Variants in ADK observed in about 807,000 individuals in gnomAD.
The protein encoded by ADK is adenosine kinase.
ADK carries 24 observed loss-of-function variants against 44.7 expected under a neutral mutation model. That is an observed-to-expected ratio of 0.54 (90% confidence interval 0.39 to 0.76). ADK has a LOEUF of 0.76. ADK is among the 30% of genes least tolerant of loss of function. The probability of loss-of-function intolerance (pLI) is 0.00; values close to 1 mark genes in which losing one functional copy is unlikely to be tolerated. For synonymous variants in ADK, 128 were observed against 142.6 expected (o/e 0.90, Z 0.73); for missense variants, 321 against 425.1 (o/e 0.76, Z 2.15).
intron 7 of ADK, among the ~76,000 whole-genome samples, chr10:74,578,374 G>T (rs954923699): frequency 2.6e-5 from 4 of 152,028 alleles, no homozygotes; most frequent in African/African-American, 9.7e-5. Flanking sequence ...AATGAAGGAA[G>T]TCCTGTCAAA....
chr10:74,372,643 A>T (rs906358394), intron 4 of ADK, among the ~76,000 whole-genome samples: 1 of 152,210 alleles, frequency 6.6e-6, no homozygotes, highest in Non-Finnish European at 1.5e-5. Flanking sequence ...AAGTATAAAT[A>T]TAACAACAGA....
intron 7 of ADK, among the ~76,000 whole-genome samples, chr10:74,581,021 T>TACAC (rs143153735): frequency 0.061 from 8,873 of 145,280 alleles, 275 homozygotes; most frequent in Non-Finnish European, 0.075. Flanking sequence ...CAATAATAAA[T>TACAC]ACACACACAC....
chr10:74,353,193 T>C (rs1167584055), intron 4 of ADK, among the ~76,000 whole-genome samples: 1 of 151,848 alleles, frequency 6.6e-6, no homozygotes, highest in African/African-American at 2.4e-5. Context: ...ATAGAGAAAA[T>C]GTTGCACAGA....
intron 6 of ADK, among the ~76,000 whole-genome samples, chr10:74,468,746 T>C (rs539178034): frequency 2.0e-5 from 3 of 152,172 alleles, no homozygotes; most frequent in Non-Finnish European, 2.9e-5. Context: ...CACACAAAGA[T>C]AGAATAAAAA....
At chr10:74,621,522 C>G (rs1463577143) in intron 9 of ADK, among the ~76,000 whole-genome samples, 2 of 151,994 alleles carry the variant, frequency 1.3e-5, no homozygotes, top group African/African-American at 4.8e-5. Flanking sequence ...CAGCTTTGTT[C>G]TTCTTGCTCA....
chr10:74,523,933 T>A (rs919298776), intron 6 of ADK, among the ~76,000 whole-genome samples: 1 of 152,170 alleles, frequency 6.6e-6, no homozygotes, highest in African/African-American at 2.4e-5. Flanking sequence ...TGTTATTCCT[T>A]CCTTTCACGG....
chr10:74,340,438 GATA>G (rs1841546460), intron 4 of ADK, among the ~76,000 whole-genome samples: 1 of 152,102 alleles, frequency 6.6e-6, no homozygotes, highest in Non-Finnish European at 1.5e-5. Flanking sequence ...GGTTTCAGGT[GATA>G]TATCTTGCTT....
At chr10:74,356,014 T>TTTTTTTTTTTTTTTTTTTTTG (rs1554847186) in intron 4 of ADK, among the ~76,000 whole-genome samples, 12 of 128,210 alleles carry the variant, frequency 9.4e-5, no homozygotes, top group Non-Finnish European at 1.5e-4. Context: ...TTTTTTTTTT[T>TTTTTTTTTTTTTTTTTTTTTG]TTTTTTTTTT....
chr10:74,644,861 C>G (rs774155715), intron 9 of ADK, among the ~76,000 whole-genome samples: 4 of 152,138 alleles, frequency 2.6e-5, no homozygotes, highest in Admixed American at 6.5e-5. Flanking sequence ...TTTTGCTGCC[C>G]TTCTGTAAAA....
intron 7 of ADK, among the ~76,000 whole-genome samples, chr10:74,570,055 G>C (rs530086901): frequency 2.7e-3 from 411 of 152,010 alleles, no homozygotes; most frequent in African/African-American, 5.4e-3. Context: ...GCTTGTTTTT[G>C]TCAGGTTTGT....
chr10:74,671,517 T>C (rs1855184596), intron 10 of ADK, among the ~76,000 whole-genome samples: 1 of 152,224 alleles, frequency 6.6e-6, no homozygotes, highest in Admixed American at 6.5e-5. Context: ...ACTGTTATGA[T>C]TGTGTTTTTT....
At chr10:74,588,056 T>G (rs1003394301) in intron 7 of ADK, among the ~76,000 whole-genome samples, 1 of 152,128 alleles carries the variant, frequency 6.6e-6, no homozygotes, top group African/African-American at 2.4e-5. Context: ...GACTGTTTAT[T>G]ATAAAAAATT....
At chr10:74,606,078 C>G (rs550609769) in intron 9 of ADK, among the ~76,000 whole-genome samples, 1 of 152,242 alleles carries the variant, frequency 6.6e-6, no homozygotes, top group African/African-American at 2.4e-5. Context: ...TCTGTGGGAT[C>G]AGTGGTGATC....
chr10:74,339,859 C>G (rs1397573631), intron 4 of ADK, among the ~76,000 whole-genome samples: 1 of 152,120 alleles, frequency 6.6e-6, no homozygotes, highest in African/African-American at 2.4e-5. Context: ...AGATAAATCA[C>G]TTTCACAGAT....
chr10:74,274,126 C>T (rs975657835), intron 3 of ADK, among the ~76,000 whole-genome samples: 31 of 152,124 alleles, frequency 2.0e-4, no homozygotes, highest in Non-Finnish European at 2.5e-4. Flanking sequence ...TGACATACGA[C>T]TTTTTACTCT....
chr10:74,154,353 C>T (rs1454297464), intron 1 of ADK, among the ~76,000 whole-genome samples: 1 of 152,190 alleles, frequency 6.6e-6, no homozygotes, highest in Non-Finnish European at 1.5e-5. Context: ...ACTGCAACCT[C>T]TGCCTCCTGG....
At chr10:74,401,337 C>T (rs1310108158) in intron 6 of ADK, among the ~76,000 whole-genome samples, 1 of 152,120 alleles carries the variant, frequency 6.6e-6, no homozygotes, top group Non-Finnish European at 1.5e-5. Flanking sequence ...AGATCGAGTC[C>T]AGCTTGGGCA....
intron 2 of ADK, among the ~76,000 whole-genome samples, chr10:74,207,935 T>C (rs901086662): frequency 6.6e-6 from 1 of 152,114 alleles, no homozygotes; most frequent in African/African-American, 2.4e-5. Flanking sequence ...GCTGGCCCCA[T>C]TGAGCTGCCC....
chr10:74,247,222 AAG>A (rs1845450723), intron 3 of ADK, among the ~76,000 whole-genome samples: 3 of 97,520 alleles, frequency 3.1e-5, no homozygotes, highest in Non-Finnish European at 4.3e-5. Context: ...TTTTTTTTTT[AAG>A]TTTTTTTTTT....
Sources: allele counts gnomAD v4.1 joint callset (sites outside exome capture counted in the v4.1 genomes callset), GRCh38; gene constraint gnomAD v4.1.1; transcripts MANE v1.5; gene names NCBI Gene and HGNC (gene_info 2026-07-23, HGNC 2026-07-21).